The following CD2AP variants were observed in gnomAD, a reference collection of about 807,000 sequenced individuals.
The protein encoded by CD2AP is CD2-associated protein.
Under a neutral mutation model 85.1 loss-of-function variants are expected in CD2AP, and 46 were observed. The observed-to-expected ratio is 0.54, with a 90% CI of 0.43 to 0.69. The LOEUF is 0.69. Among genes scored for constraint, CD2AP ranks in the 30% least tolerant of loss-of-function variants. The pLI is 0.00. For missense variants in CD2AP, 769 were observed against 729.5 expected (o/e 1.05, Z -0.62); for synonymous variants, 255 against 252.9 (o/e 1.01, Z -0.08).
At chr6:47,605,420 T>C (rs1374040786) in intron 13 of CD2AP, among the ~76,000 whole-genome samples, 1 of 152,004 alleles carries the variant, frequency 6.6e-6, no homozygotes, top group Non-Finnish European at 1.5e-5. Flanking sequence ...AGATTTGTCC[T>C]TAAACCCAAG....
rs753436039 is a variant in CD2AP, at chr6:47,595,910, A to G, written c.1158A>G (p.Gln386=). The G allele has an allele frequency of 6.8e-6, 11 of 1,612,946 alleles. No homozygotes were observed. The East Asian group carries it at 2.5e-4, about 36-fold the overall frequency. The change falls in exon 12 of 18, where the codon CAA becomes CAG. Residue 386 remains glutamine (Q), a synonymous_variant. Coordinates refer to ENST00000359314, the MANE Select transcript of CD2AP (RefSeq NM_012120.3). ...EQKPSKPAAP[Q]VPPKKPTPPT... Reference sequence around the variant, plus strand: ...AACCTTCTAAACCAGCAGCTCCACAAGTCCCACCCAAGAAACCTACTCCAC... The same window carrying G: ...AACCTTCTAAACCAGCAGCTCCACAGGTCCCACCCAAGAAACCTACTCCAC...
At chr6:47,594,551 T>A (rs192917018) in intron 11 of CD2AP, among the ~76,000 whole-genome samples, 105 of 152,186 alleles carry the variant, frequency 6.9e-4, no homozygotes, top group African/African-American at 2.5e-3. Flanking sequence ...CTTGGTATGT[T>A]ATATAAAACA....
chr6:47,503,468 TCTTG>T, intron 2 of CD2AP, 28 bp downstream of exon 2: 1 of 1,576,440 alleles, frequency 6.3e-7, no homozygotes, highest in Non-Finnish European at 8.7e-7. Context: ...AATTTCTAGC[TCTTG>T]CTTCATAGGA....
At chr6:47,502,526 G>T (rs1349995817) in intron 1 of CD2AP, among the ~76,000 whole-genome samples, 1 of 143,798 alleles carries the variant, frequency 7.0e-6, no homozygotes, top group Non-Finnish European at 1.5e-5. Flanking sequence ...ACGGAGTCTC[G>T]CTCTGTTGCC....
At chr6:47,599,744 G>A (rs968055155) in intron 13 of CD2AP, among the ~76,000 whole-genome samples, 2 of 151,948 alleles carry the variant, frequency 1.3e-5, no homozygotes, top group Non-Finnish European at 2.9e-5. Context: ...ACTACCCAAC[G>A]GAGATATGAA....
intron 2 of CD2AP, among the ~76,000 whole-genome samples, chr6:47,508,703 C>A (rs1185131472): frequency 2.6e-5 from 4 of 152,032 alleles, no homozygotes; most frequent in African/African-American, 9.7e-5. Context: ...TGCCACCACG[C>A]CCAGCTAATT....
At chr6:47,485,772 T>C (rs546703101) in intron 1 of CD2AP, among the ~76,000 whole-genome samples, 1 of 152,318 alleles carries the variant, frequency 6.6e-6, no homozygotes, top group East Asian at 1.9e-4. Flanking sequence ...GTATTTTTAC[T>C]ATACCTTTTT....
At chr6:47,564,507 G>C (rs1039151435) in intron 5 of CD2AP, among the ~76,000 whole-genome samples, 1 of 151,986 alleles carries the variant, frequency 6.6e-6, no homozygotes, top group Non-Finnish European at 1.5e-5. Flanking sequence ...TAGTAACTGC[G>C]CAGAATTTTA....
chr6:47,619,302 A>G (rs1769681892), intron 17 of CD2AP, among the ~76,000 whole-genome samples: 1 of 142,510 alleles, frequency 7.0e-6, no homozygotes, highest in African/African-American at 2.7e-5. Context: ...TAGCTCCCAC[A>G]TGTCCATGAG....
chr6:47,553,513 A>ATTTT (rs148273065), intron 4 of CD2AP, among the ~76,000 whole-genome samples: 2 of 110,508 alleles, frequency 1.8e-5, no homozygotes, highest in African/African-American at 3.6e-5. Context: ...CACCTAGTGA[A>ATTTT]TTTTTTTTTT....
chr6:47,589,549 T>TACACAC (rs796621681), intron 11 of CD2AP, among the ~76,000 whole-genome samples: 2 of 78,596 alleles, frequency 2.5e-5, no homozygotes, highest in African/African-American at 7.4e-5. Context: ...TACACATATA[T>TACACAC]ATACACACAC....
At chr6:47,600,680 ATTGT>A (rs1440839183) in intron 13 of CD2AP, among the ~76,000 whole-genome samples, 39 of 151,938 alleles carry the variant, frequency 2.6e-4, no homozygotes, top group African/African-American at 7.0e-4. Context: ...ATCCTTATTA[ATTGT>A]TTGATAAACA....
chr6:47,556,050 CTTTTCT>C lies in CD2AP; in HGVS notation c.541+1289_541+1294del, dbSNP rs1305424991. Reference sequence around the variant, plus strand: ...GGTAAAAGAATGCAATTTTTTTTTCCTTTTCTTTTTTTTTTTTTTTTAATTATACTT... The same window carrying C: ...GGTAAAAGAATGCAATTTTTTTTTCCTTTTTTTTTTTTTTTAATTATACTT... On this transcript the variant is annotated intron_variant, in intron 5 of 17. Coordinates refer to ENST00000359314, the MANE Select transcript of CD2AP (RefSeq NM_012120.3). Among the ~76,000 whole-genome samples the C allele has an allele frequency of 4.3e-5, 6 of 140,334 alleles. No individual in the cohort carries two copies. In the East Asian group the frequency reaches 1.2e-3, roughly 28 times the overall value. 92.1% of individuals were successfully genotyped at this position (140,334 alleles called of 152,430 possible). A position where few individuals can be genotyped will look rare whatever the true frequency, so the allele number is the denominator to read the frequency against.
rs939372128 is a variant in CD2AP at position 47,477,891 on chromosome 6, G to A, written c.-354G>A. ...CTCCGAGGCTAGGCGGGCGCTCGGGGTTGGAGCCGAGGGTCTGGGCAAACC... is the reference window on the plus strand; with the variant it reads ...CTCCGAGGCTAGGCGGGCGCTCGGGATTGGAGCCGAGGGTCTGGGCAAACC... On this transcript the variant is annotated 5_prime_UTR_variant, in exon 1 of 18. Coordinates refer to ENST00000359314, the MANE Select transcript of CD2AP (RefSeq NM_012120.3). 6 of 398,110 alleles carry A rather than the reference G, an allele frequency of 1.5e-5. No homozygotes were observed. Among genetic ancestry groups the A allele is most frequent in the Non-Finnish European group, 2.7e-5 (6 of 220,868 alleles). 24.7% of individuals were successfully genotyped at this position (398,110 alleles called of 1,614,324 possible).
chr6:47,508,215 G>A (rs1252572914), intron 2 of CD2AP, among the ~76,000 whole-genome samples: 3 of 152,220 alleles, frequency 2.0e-5, no homozygotes, highest in Non-Finnish European at 4.4e-5. Flanking sequence ...TTTTCCAATA[G>A]AAGGTTTCAT....
intron 11 of CD2AP, among the ~76,000 whole-genome samples, chr6:47,588,951 A>G (rs1768702892): frequency 6.6e-6 from 1 of 152,102 alleles, no homozygotes; most frequent in East Asian, 1.9e-4. Flanking sequence ...TCTCAGTGTA[A>G]TCATATGAAA....
chr6:47,624,155 A>C (rs893421906), intron 17 of CD2AP, 31 bp from the exon 18 acceptor site: 33 of 1,547,778 alleles, frequency 2.1e-5, no homozygotes, highest in Non-Finnish European at 2.9e-5. Flanking sequence ...AGGATATTTT[A>C]TGTTTGCTCA....
At chr6:47,601,653 A>G (rs965217545) in intron 13 of CD2AP, among the ~76,000 whole-genome samples, 10 of 152,010 alleles carry the variant, frequency 6.6e-5, no homozygotes, top group African/African-American at 2.2e-4. Flanking sequence ...TGTTCCTAGT[A>G]TTAGTAATAT....
chr6:47,534,787 C>T (rs894359392), intron 3 of CD2AP, among the ~76,000 whole-genome samples: 1 of 150,832 alleles, frequency 6.6e-6, no homozygotes, highest in South Asian at 2.1e-4. Context: ...CCAGAAGACC[C>T]TTCAGAGATT....
Sources: gnomAD v4.1 joint callset for allele counts (sites outside exome capture counted in the v4.1 genomes callset) on GRCh38, gnomAD v4.1.1 for gene constraint, MANE v1.5 for transcripts, NCBI Gene and HGNC (gene_info 2026-07-23, HGNC 2026-07-21) for gene names.